The following GTF2F2 variants were observed in gnomAD, a reference collection of about 807,000 sequenced individuals.
The protein encoded by GTF2F2 is ATP-dependent helicase GTF2F2.
Under a neutral mutation model 42.2 loss-of-function variants are expected in GTF2F2, and 23 were observed. The ratio of observed to expected loss-of-function variants is 0.55; its 90% confidence interval spans 0.39 to 0.77. The LOEUF is 0.77. Among genes scored for constraint, GTF2F2 ranks in the 30% least tolerant of loss-of-function variants. The pLI, the probability that GTF2F2 is intolerant of heterozygous loss-of-function variation, is 0.00. For synonymous variants in GTF2F2, 105 were observed against 100.8 expected (o/e 1.04, Z -0.25); for missense variants, 261 against 287.2 (o/e 0.91, Z 0.66).
At chr13:45,167,118 C>T (rs1439722359) in intron 4 of GTF2F2, among the ~76,000 whole-genome samples, 6 of 148,012 alleles carry the variant, frequency 4.1e-5, no homozygotes, top group South Asian at 2.1e-4. Context: ...TAAAGAACTT[C>T]GTGTATGTGT....
intron 5 of GTF2F2, among the ~76,000 whole-genome samples, chr13:45,209,782 C>T (rs528240637): frequency 2.6e-5 from 4 of 152,170 alleles, no homozygotes; most frequent in African/African-American, 9.7e-5. Context: ...TCCCGCAAAA[C>T]CCGCTCTACT....
At chr13:45,270,794 T>G (rs1265453170) in intron 7 of GTF2F2, among the ~76,000 whole-genome samples, 1 of 152,242 alleles carries the variant, frequency 6.6e-6, no homozygotes. Flanking sequence ...TTTCTAGCTT[T>G]TTTCATATTT....
At chr13:45,199,271 A>G (rs748654729) in intron 4 of GTF2F2, among the ~76,000 whole-genome samples, 6 of 152,238 alleles carry the variant, frequency 3.9e-5, no homozygotes, top group Non-Finnish European at 7.3e-5. Flanking sequence ...GCTTCATTTG[A>G]GGAGTATAGA....
chr13:45,200,190 A>G (rs1210062992), intron 4 of GTF2F2, among the ~76,000 whole-genome samples: 1 of 152,206 alleles, frequency 6.6e-6, no homozygotes, highest in Non-Finnish European at 1.5e-5. Flanking sequence ...TTCCCTCCGT[A>G]TCACAAGAAA....
Position 45,149,260 on chromosome 13 carries a change from C to G in GTF2F2, c.141-510C>G, listed in dbSNP as rs1299512705. ...GACCAGCCTGGACAACATGGTGAGA[C>G]CTTGTCTCTACAAAAAAAAAAAAAA... On this transcript the variant is annotated intron_variant, in intron 2 of 7. Coordinates refer to ENST00000340473, the MANE Select transcript of GTF2F2 (RefSeq NM_004128.3). Among the ~76,000 whole-genome samples, 84 of 150,620 alleles carry G rather than the reference C, an allele frequency of 5.6e-4. 1 individual carries two copies. The highest frequency in any genetic ancestry group is 1.5e-5 in the Non-Finnish European group (1 of 67,688).
chr13:45,250,796 C>T (rs1593518669), intron 5 of GTF2F2, among the ~76,000 whole-genome samples: 1 of 152,110 alleles, frequency 6.6e-6, no homozygotes, highest in East Asian at 1.9e-4. Context: ...TAATCTAAAT[C>T]CATCCTTGGG....
At chr13:45,209,748 G>GT (rs1171931185) in intron 5 of GTF2F2, among the ~76,000 whole-genome samples, 1 of 152,112 alleles carries the variant, frequency 6.6e-6, no homozygotes, top group Non-Finnish European at 1.5e-5. Context: ...TTTCAAATAT[G>GT]TAAAAAACTG....
At chr13:45,138,316 C>T (rs1000200650) in intron 2 of GTF2F2, among the ~76,000 whole-genome samples, 3 of 152,140 alleles carry the variant, frequency 2.0e-5, no homozygotes, top group African/African-American at 7.2e-5. Flanking sequence ...GATGCTTCTG[C>T]CCTCCGTGGA....
chr13:45,255,884 C>G (rs1262968569), intron 6 of GTF2F2, among the ~76,000 whole-genome samples: 1 of 152,090 alleles, frequency 6.6e-6, no homozygotes, highest in African/African-American at 2.4e-5. Flanking sequence ...GAGTTGTTAC[C>G]TTTCTAGAGG....
intron 2 of GTF2F2, among the ~76,000 whole-genome samples, chr13:45,145,119 T>TA (rs201010763): frequency 1.2e-4 from 15 of 124,868 alleles, no homozygotes; most frequent in African/African-American, 4.3e-4. Context: ...TAAAAATTAA[T>TA]AAAAAAAATT....
chr13:45,183,682 A>C (rs1872272355), intron 4 of GTF2F2, among the ~76,000 whole-genome samples: 1 of 152,080 alleles, frequency 6.6e-6, no homozygotes, highest in African/African-American at 2.4e-5. Context: ...AGTAACTATC[A>C]ATATCTGCCC....
At chr13:45,138,487 C>T (rs1373436228) in intron 2 of GTF2F2, among the ~76,000 whole-genome samples, 6 of 152,274 alleles carry the variant, frequency 3.9e-5, no homozygotes, top group East Asian at 3.9e-4. Context: ...GACTTGACCA[C>T]GGACCTAGAG....
intron 2 of GTF2F2, among the ~76,000 whole-genome samples, 199 bp from the exon 3 acceptor site, chr13:45,149,571 G>T (rs1469081322): frequency 1.3e-5 from 2 of 152,058 alleles, no homozygotes; most frequent in Non-Finnish European, 2.9e-5. Flanking sequence ...CCAAAATAAT[G>T]ATGTGTGATT....
At chr13:45,261,991 C>T (rs927361728) in intron 6 of GTF2F2, among the ~76,000 whole-genome samples, 10 of 151,978 alleles carry the variant, frequency 6.6e-5, no homozygotes, top group African/African-American at 2.4e-4. Flanking sequence ...AAATCCCCTT[C>T]GATAATTACA....
At chr13:45,176,870 C>CTT (rs1405623562) in intron 4 of GTF2F2, among the ~76,000 whole-genome samples, 12 of 152,092 alleles carry the variant, frequency 7.9e-5, no homozygotes, top group African/African-American at 2.9e-4. Flanking sequence ...ACTGCAACCT[C>CTT]TGTCTCCCAG....
In GTF2F2 at chr13:45,183,716, T is replaced by C. The variant is rs1872274035; in HGVS notation, c.305-23708T>C. ...CCCATCACCTCATGAGATCATTATG[T>C]GTTGTGCGCTTTAAAGCAGACAGTG... On this transcript the variant is annotated intron_variant, in intron 4 of 7. Transcript: ENST00000340473. 5.9e-5 allele frequency among the ~76,000 whole-genome samples: 9 copies of C among 152,262 alleles called. No individual in the cohort carries two copies. In the South Asian group the frequency reaches 1.9e-3, roughly 31 times the overall value.
chr13:45,237,577 A>G (rs1455262290), intron 5 of GTF2F2, among the ~76,000 whole-genome samples: 8 of 152,204 alleles, frequency 5.3e-5, no homozygotes, highest in African/African-American at 9.6e-5. Flanking sequence ...TTTCTGTTAT[A>G]ATTCTCATTG....
At chr13:45,159,982 G>A (rs1870956972) in intron 4 of GTF2F2, among the ~76,000 whole-genome samples, 1 of 152,072 alleles carries the variant, frequency 6.6e-6, no homozygotes, top group Non-Finnish European at 1.5e-5. Context: ...ATTACACTCT[G>A]TTTCCTGAAT....
chr13:45,152,433 T>C (rs918271536), intron 4 of GTF2F2, among the ~76,000 whole-genome samples: 1 of 152,238 alleles, frequency 6.6e-6, no homozygotes, highest in African/African-American at 2.4e-5. Context: ...TTCTAAGATG[T>C]TGAAGAAATA....
Sources: allele counts gnomAD v4.1 joint callset (sites outside exome capture counted in the v4.1 genomes callset), GRCh38; gene constraint gnomAD v4.1.1; transcripts MANE v1.5; gene names NCBI Gene and HGNC (gene_info 2026-07-23, HGNC 2026-07-21).